Variants in PIGL observed in about 807,000 individuals in gnomAD.
PIGL encodes N-acetylglucosaminyl-phosphatidylinositol de-N-acetylase.
Under a neutral mutation model 31.1 loss-of-function variants are expected in PIGL, and 22 were observed. The observed-to-expected ratio is 0.71, with a 90% confidence interval of 0.51 to 1.01. PIGL has a LOEUF of 1.01. Ranked by LOEUF, PIGL falls within the 50% of genes least tolerant of loss-of-function variation. The pLI is 0.00. For missense variants in PIGL, 302 were observed against 315.9 expected, an observed-to-expected ratio of 0.96 and a Z score of 0.33; for synonymous variants, 131 against 117.4, an observed-to-expected ratio of 1.12 and a Z score of -0.75.
chr17:16,220,988 A>G (rs1050498547), intron 1 of PIGL, among the ~76,000 whole-genome samples: 3 of 152,126 alleles, frequency 2.0e-5, no homozygotes, highest in African/African-American at 7.2e-5. Flanking sequence ...TTTCCCCTCT[A>G]GACTGCACTG....
At chr17:16,257,108 A>G (rs2142740021) in intron 2 of PIGL, among the ~76,000 whole-genome samples, 1 of 152,274 alleles carries the variant, frequency 6.6e-6, no homozygotes, top group South Asian at 2.1e-4. Context: ...CTCAAAAAAA[A>G]TTAATGTCCT....
At chr17:16,309,093 A>T (rs1277790194) in intron 3 of PIGL, among the ~76,000 whole-genome samples, 1 of 152,208 alleles carries the variant, frequency 6.6e-6, no homozygotes, top group African/African-American at 2.4e-5. Context: ...GCCCAGCCAA[A>T]CATTTATTTT....
chr17:16,287,961 G>A (rs567583772), intron 2 of PIGL, among the ~76,000 whole-genome samples: 25 of 152,244 alleles, frequency 1.6e-4, no homozygotes, highest in African/African-American at 5.5e-4. Flanking sequence ...AGAAACACAG[G>A]GTCAAAGGGC....
At chr17:16,284,644 C>G (rs2092930048) in intron 2 of PIGL, among the ~76,000 whole-genome samples, 1 of 152,112 alleles carries the variant, frequency 6.6e-6, no homozygotes, top group African/African-American at 2.4e-5. Flanking sequence ...CTTGTGGCCC[C>G]CACCCAGGAA....
Position 16,325,929 on chromosome 17 carries a change from A to G in PIGL, c.*31A>G. 1.3e-6 allele frequency: 2 copies of G among 1,486,774 alleles called. No individual in the cohort carries two copies. The highest frequency in any genetic ancestry group is 2.3e-5 in the East Asian group (1 of 44,342). 92.1% of individuals were successfully genotyped at this position (1,486,774 alleles called of 1,614,324 possible). A position where few individuals can be genotyped will look rare whatever the true frequency, so the allele number is the denominator to read the frequency against. ...TGAAGGGTTTTCAGATCCAAGGAAC[A>G]AAGGGGAAAATAGACAAAGGAGTGC... On this transcript the variant is annotated 3_prime_UTR_variant, in exon 7 of 7. Coordinates refer to ENST00000225609, the MANE Select transcript of PIGL (RefSeq NM_004278.4).
chr17:16,300,073 TC>T (rs2092998180), intron 3 of PIGL, 95 bp downstream of exon 3: 2 of 879,238 alleles, frequency 2.3e-6, no homozygotes, highest in Admixed American at 3.7e-5. Context: ...CCCTCCCACT[TC>T]CAGTCCTTCT....
intron 2 of PIGL, chr17:16,282,156 C>A: frequency 2.3e-6 from 1 of 432,302 alleles, no homozygotes; most frequent in Non-Finnish European, 5.1e-6. Context: ...GGAATTAGCA[C>A]ATATCCCAAA....
rs145349693 is a variant in PIGL at position 16,284,505 on chromosome 17, T to G, written c.336-15383T>G. ...ATTAAACATTATATTTTAGGAGTCA[T>G]GCAGCTGGGGGCTACAAGATTCTGA... On this transcript the variant is annotated intron_variant, in intron 2 of 6. Transcript: ENST00000225609. Among the ~76,000 whole-genome samples the G allele has an allele frequency of 3.5e-3, 528 of 152,318 alleles. 6 individuals carry two copies. Among genetic ancestry groups the G allele is most frequent in the African/African-American group, 0.012 (490 of 41,560 alleles).
At chr17:16,257,047 G>A (rs2092796863) in intron 2 of PIGL, among the ~76,000 whole-genome samples, 1 of 152,144 alleles carries the variant, frequency 6.6e-6, no homozygotes, top group South Asian at 2.1e-4. Flanking sequence ...GCCGCAATGA[G>A]CCATGCACTC....
chr17:16,319,775 C>T (rs966974178), intron 6 of PIGL, among the ~76,000 whole-genome samples: 3 of 150,352 alleles, frequency 2.0e-5, no homozygotes, highest in Admixed American at 6.6e-5. Flanking sequence ...AAAAAAAGAG[C>T]CCAGGGCAGA....
At chr17:16,225,125 T>C (rs1337967376) in intron 1 of PIGL, among the ~76,000 whole-genome samples, 1 of 152,248 alleles carries the variant, frequency 6.6e-6, no homozygotes, top group African/African-American at 2.4e-5. Flanking sequence ...GTCTTAAATG[T>C]GTATTGAGAT....
intron 2 of PIGL, among the ~76,000 whole-genome samples, chr17:16,288,630 C>G (rs939307902): frequency 2.6e-5 from 4 of 151,708 alleles, no homozygotes; most frequent in African/African-American, 9.7e-5. Context: ...ACCTCTGCCT[C>G]CTAGGTTCAA....
chr17:16,263,042 G>C (rs1326899124), intron 2 of PIGL, among the ~76,000 whole-genome samples: 1 of 149,332 alleles, frequency 6.7e-6, no homozygotes, highest in Non-Finnish European at 1.5e-5. Context: ...ATAAGTGTTT[G>C]CCAGGGGTTG....
At chr17:16,279,645 C>T (rs2092908847) in intron 2 of PIGL, 2 of 152,232 alleles carry the variant, frequency 1.3e-5, no homozygotes, top group African/African-American at 4.8e-5. Flanking sequence ...CATTGTCCTT[C>T]TCTTGCTCCA....
chr17:16,255,391 C>T (rs761426653), intron 2 of PIGL, among the ~76,000 whole-genome samples: 142 of 152,286 alleles, frequency 9.3e-4, no homozygotes, highest in Non-Finnish European at 1.6e-3. Flanking sequence ...CAGTGCTTGT[C>T]TTGACATCAA....
intron 1 of PIGL, among the ~76,000 whole-genome samples, chr17:16,231,551 T>C (rs2092679581): frequency 6.6e-6 from 1 of 152,126 alleles, no homozygotes; most frequent in Non-Finnish European, 1.5e-5. Context: ...TGATTTTTTT[T>C]TAACCATATA....
rs535829476 is a variant in PIGL at position 16,264,596 on chromosome 17, C to T, written c.335+30526C>T. Among the ~76,000 whole-genome samples, 10 of 148,118 alleles carry T rather than the reference C, an allele frequency of 6.8e-5. No homozygotes were observed. The South Asian group carries it at 2.1e-3, about 32-fold the overall frequency. ...GTCAAACTAGTCTTCCCAAACACAT[C>T]GTCATTATTATTATTATTATTATTA... On this transcript the variant is annotated intron_variant, in intron 2 of 6. Transcript: ENST00000225609.
chr17:16,217,405 C>G lies in PIGL; in HGVS notation c.179C>G (p.Thr60Arg). 1 of 1,614,218 alleles carries G rather than the reference C, an allele frequency of 6.2e-7. No homozygotes were observed. Among genetic ancestry groups the G allele is most frequent in the Non-Finnish European group, 8.5e-7 (1 of 1,180,040 alleles). The change falls in exon 1 of 7, where the codon ACA (threonine) becomes AGA (arginine). Residue 60 changes from threonine to arginine, a missense_variant. Thr to Arg is a moderately conservative substitution (Grantham distance 71, BLOSUM62 -1). Coordinates refer to ENST00000225609, the MANE Select transcript of PIGL (RefSeq NM_004278.4). Reference sequence around the variant, plus strand: ...GATGAAGCCATGTTTTTTGCTCCCACAGTGCTAGGCTTGGCCCGCCTAAGG... The same window carrying G: ...GATGAAGCCATGTTTTTTGCTCCCAGAGTGCTAGGCTTGGCCCGCCTAAGG... ...PDDEAMFFAP[T>R]VLGLARLRHW...
In PIGL at chr17:16,232,768, TA is replaced by T. The variant is rs34414046; in HGVS notation, c.236-1191del. On this transcript the variant is annotated intron_variant, in intron 1 of 6. Coordinates refer to ENST00000225609, the MANE Select transcript of PIGL (RefSeq NM_004278.4). ...AATATACACAAAATAGTTTATGACT[TA>T]AAAAAAAAAAACGCAAAAAAAGGTA... 5.6e-3 allele frequency among the ~76,000 whole-genome samples: 803 copies of T among 144,346 alleles called. 4 individuals are homozygous for T. The highest frequency in any genetic ancestry group is 0.011 in the Middle Eastern group (3 of 282). The allele number at this position is 144,346 out of a possible 152,430, so 94.7% of individuals were successfully genotyped here.
Sources: allele counts gnomAD v4.1 joint callset (sites outside exome capture counted in the v4.1 genomes callset), GRCh38; gene constraint gnomAD v4.1.1; transcripts MANE v1.5; gene names NCBI Gene and HGNC (gene_info 2026-07-23, HGNC 2026-07-21).